Variants in PLEKHG1 observed in about 807,000 individuals in gnomAD.
PLEKHG1 encodes pleckstrin homology and RhoGEF domain containing G1, also known as pleckstrin homology domain-containing family G member 1.
A neutral mutation model predicts 100.8 loss-of-function variants in PLEKHG1; 44 were observed. The observed-to-expected ratio is 0.44, with a 90% CI of 0.34 to 0.56. The LOEUF is 0.56. Among genes scored for constraint, PLEKHG1 ranks in the 20% least tolerant of loss-of-function variants. The pLI is 0.01. For missense variants in PLEKHG1, 1,545 were observed against 1,720.9 expected, an observed-to-expected ratio of 0.90 and a Z score of 1.81; for synonymous variants, 640 against 662.5, an observed-to-expected ratio of 0.97 and a Z score of 0.52.
chr6:150,706,846 C>T (rs180875051), intron 3 of PLEKHG1, among the ~76,000 whole-genome samples: 5 of 152,010 alleles, frequency 3.3e-5, no homozygotes, highest in African/African-American at 1.2e-4. Context: ...ATGGCAAAGA[C>T]AATTTACATT....
At chr6:150,757,905 C>A (rs1284508115) in intron 2 of PLEKHG1, among the ~76,000 whole-genome samples, 1 of 152,128 alleles carries the variant, frequency 6.6e-6, no homozygotes, top group African/African-American at 2.4e-5. Context: ...TCCCTGTGTC[C>A]ATGTGTTGTT....
chr6:150,642,884 C>A (rs1446031930), intron 2 of PLEKHG1, among the ~76,000 whole-genome samples: 1 of 152,198 alleles, frequency 6.6e-6, no homozygotes, highest in African/African-American at 2.4e-5. Context: ...TCTATGTAAC[C>A]CCAGTGCCTA....
chr6:150,808,490 C>A (rs879764640), intron 7 of PLEKHG1, among the ~76,000 whole-genome samples: 3 of 151,848 alleles, frequency 2.0e-5, no homozygotes, highest in Non-Finnish European at 4.4e-5. Context: ...TGGCTCACTT[C>A]TATAATCCCA....
exon 1 of PLEKHG1, chr6:150,599,927 C>T: frequency 5.1e-6 from 1 of 195,216 alleles, no homozygotes; most frequent in Non-Finnish European, 1.0e-5. Flanking sequence ...CTGCAGGGCG[C>T]TCCGGCAGCC....
chr6:150,768,390 G>T (rs1451609352), intron 2 of PLEKHG1, among the ~76,000 whole-genome samples: 4 of 152,024 alleles, frequency 2.6e-5, no homozygotes, highest in Non-Finnish European at 4.4e-5. Flanking sequence ...CCCATCTGGG[G>T]AAGCTCTAAT....
intron 3 of PLEKHG1, among the ~76,000 whole-genome samples, chr6:150,780,717 G>A (rs1015617994): frequency 1.3e-5 from 2 of 152,134 alleles, no homozygotes; most frequent in Admixed American, 6.5e-5. Context: ...TGCTGAAAAT[G>A]TCAAATCTTA....
At chr6:150,750,078 AAAAG>A (rs1310106199) in intron 2 of PLEKHG1, among the ~76,000 whole-genome samples, 1 of 152,040 alleles carries the variant, frequency 6.6e-6, no homozygotes, top group Non-Finnish European at 1.5e-5. Context: ...TCTCAAAAAA[AAAAG>A]AAAATATCTA....
At chr6:150,803,246 G>C (rs1289116639) in intron 6 of PLEKHG1, among the ~76,000 whole-genome samples, 2 of 152,260 alleles carry the variant, frequency 1.3e-5, no homozygotes, top group Non-Finnish European at 2.9e-5. Context: ...TAATCTTCAA[G>C]TTGCACCATA....
At position 150,694,538 on chromosome 6, in the gene PLEKHG1, A is replaced by G. The variant is rs376505436; in HGVS notation, c.-98-39046A>G. ...AACATGGTGAAACCCCGTCTCTACT[A>G]AAAATACAAAAATTAGCCCAGTGTG... On this transcript the variant is annotated intron_variant, in intron 3 of 3. Coordinates refer to the PLEKHG1 transcript ENST00000367326. Among the ~76,000 whole-genome samples the G allele has an allele frequency of 7.9e-5, 12 of 152,066 alleles. No individual in the cohort carries two copies. The East Asian group carries it at 2.3e-3, about 29-fold the overall frequency.
chr6:150,743,425 C>T (rs1232051422), intron 2 of PLEKHG1, among the ~76,000 whole-genome samples: 2 of 152,150 alleles, frequency 1.3e-5, no homozygotes, highest in East Asian at 1.9e-4. Flanking sequence ...ACTCAGGAGG[C>T]TGAGGCAGGA....
intron 3 of PLEKHG1, among the ~76,000 whole-genome samples, chr6:150,654,031 A>C (rs1778861098): frequency 6.6e-6 from 1 of 152,198 alleles, no homozygotes; most frequent in Non-Finnish European, 1.5e-5. Context: ...TAATTTTCTG[A>C]ACAAAATTGT....
chr6:150,650,695 T>TA (rs1338450853), intron 2 of PLEKHG1, 33 bp from the exon 2 acceptor site: 1 of 152,198 alleles, frequency 6.6e-6, no homozygotes, highest in Non-Finnish European at 1.5e-5. Context: ...AATATTTAAG[T>TA]AAAAAGCAAT....
At chr6:150,641,963 T>TC (rs1352684599) in intron 2 of PLEKHG1, among the ~76,000 whole-genome samples, 1 of 151,300 alleles carries the variant, frequency 6.6e-6, no homozygotes, top group Non-Finnish European at 1.5e-5. Flanking sequence ...CTTTTTTTTT[T>TC]CAAGTGATGT....
chr6:150,701,407 C>A (rs1780767123), intron 3 of PLEKHG1, among the ~76,000 whole-genome samples: 1 of 102,884 alleles, frequency 9.7e-6, no homozygotes, highest in Non-Finnish European at 2.0e-5. Flanking sequence ...AAAGAATAAG[C>A]AGTAATTCTT....
chr6:150,719,267 C>G (rs1452554649), upstream of PLEKHG1, among the ~76,000 whole-genome samples: 1 of 150,442 alleles, frequency 6.6e-6, no homozygotes, highest in African/African-American at 2.4e-5. Context: ...AGAAATAGCA[C>G]TTTAGAAACA....
At chr6:150,810,514 A>AAAGAAAGAAAGAAAGAAAGAAAGAAAG (rs1787439206) in intron 10 of PLEKHG1, among the ~76,000 whole-genome samples, 5 of 88,540 alleles carry the variant, frequency 5.6e-5, no homozygotes, top group African/African-American at 1.7e-4. Flanking sequence ...GAAAGAAAGA[A>AAAGAAAGAAAGAAAGAAAGAAAGAAAG]AAAGAAAGAA....
At chr6:150,612,753 C>A (rs1776906497) in intron 1 of PLEKHG1, among the ~76,000 whole-genome samples, 1 of 152,154 alleles carries the variant, frequency 6.6e-6, no homozygotes, top group Admixed American at 6.5e-5. Context: ...GTTTCTCATA[C>A]CTCAGGTCCA....
chr6:150,829,177 T>A (rs1776776251), intron 14 of PLEKHG1, among the ~76,000 whole-genome samples: 1 of 152,218 alleles, frequency 6.6e-6, no homozygotes, highest in African/African-American at 2.4e-5. Context: ...CTGGTACTAA[T>A]TAGGTCTTAA....
chr6:150,698,412 T>C (rs756396513), intron 3 of PLEKHG1, among the ~76,000 whole-genome samples: 4 of 152,128 alleles, frequency 2.6e-5, no homozygotes, highest in Non-Finnish European at 5.9e-5. Flanking sequence ...TTGATCACGT[T>C]ATGACAATTT....
Sources: gnomAD v4.1 joint callset for allele counts (sites outside exome capture counted in the v4.1 genomes callset) on GRCh38, gnomAD v4.1.1 for gene constraint, MANE v1.5 for transcripts, NCBI Gene and HGNC (gene_info 2026-07-23, HGNC 2026-07-21) for gene names.